PCDH15: variants seen among roughly 807,000 people sequenced by gnomAD.
PCDH15 encodes protocadherin related 15.
A neutral mutation model predicts 178.5 loss-of-function variants in PCDH15; 129 were observed. The ratio of observed to expected loss-of-function variants is 0.72; its 90% CI spans 0.63 to 0.84. The LOEUF (loss-of-function observed/expected upper bound fraction) is 0.84, where lower values mean the gene tolerates loss of function less well. Among genes scored for constraint, PCDH15 ranks in the 40% least tolerant of loss-of-function variants. The pLI is 0.00. For synonymous variants in PCDH15, 800 were observed against 732.0 expected (o/e 1.09, Z -1.50); for missense variants, 2,230 against 2,099.9 (o/e 1.06, Z -1.21).
At chr10:54,170,671 C>T (rs541337983) in intron 13 of PCDH15, among the ~76,000 whole-genome samples, 120 of 152,032 alleles carry the variant, frequency 7.9e-4, no homozygotes, top group African/African-American at 2.3e-3. Flanking sequence ...CTCTGATCCA[C>T]CTGACATTCA....
At chr10:54,705,002 C>A (rs1219292226) in intron 1 of PCDH15, among the ~76,000 whole-genome samples, 2 of 152,014 alleles carry the variant, frequency 1.3e-5, no homozygotes, top group Non-Finnish European at 2.9e-5. Flanking sequence ...GCCATAAAAA[C>A]AGAACAAGAT....
At chr10:54,285,025 T>A (rs575934645) in intron 8 of PCDH15, among the ~76,000 whole-genome samples, 1 of 152,170 alleles carries the variant, frequency 6.6e-6, no homozygotes, top group Non-Finnish European at 1.5e-5. Flanking sequence ...TGAAAGAAAT[T>A]GTTTCCAAGA....
intron 6 of PCDH15, among the ~76,000 whole-genome samples, chr10:54,337,854 G>A (rs970283715): frequency 6.6e-6 from 1 of 152,108 alleles, no homozygotes. Context: ...GAACCTGGGT[G>A]GGAACTATAG....
intron 9 of PCDH15, among the ~76,000 whole-genome samples, chr10:54,227,148 G>T (rs1211258720): frequency 6.6e-6 from 1 of 152,214 alleles, no homozygotes; most frequent in Non-Finnish European, 1.5e-5. Context: ...TAGGGACTCA[G>T]TGTGGGGGCT....
chr10:53,809,423 C>G (rs1244636625), intron 37 of PCDH15: 1 of 1,614,000 alleles, frequency 6.2e-7, no homozygotes, highest in Non-Finnish European at 8.5e-7. Context: ...AATATTCTGG[C>G]TCTCTTCCAT....
Position 55,429,995 on chromosome 10 carries a change from T to C in PCDH15, c.-156+197630A>G, listed in dbSNP as rs149098651. 2.7e-3 allele frequency among the ~76,000 whole-genome samples: 410 copies of C among 152,328 alleles called. 3 individuals are homozygous for C. The highest frequency in any genetic ancestry group is 9.4e-3 in the African/African-American group (392 of 41,582). On this transcript the variant is annotated intron_variant, in intron 2 of 5. Coordinates refer to the PCDH15 transcript ENST00000613346. ...TTTTTATTTAACTATAACATTTAAT[T>C]TCTTGGCATACTTTTAAATGAAATC...
intron 15 of PCDH15, among the ~76,000 whole-genome samples, chr10:54,113,466 G>A (rs1461817430): frequency 1.1e-4 from 17 of 152,076 alleles, no homozygotes; most frequent in Admixed American, 1.0e-3. Context: ...AATGTGCTCT[G>A]GGCAATATCT....
chr10:53,974,108 C>T (rs777822655), intron 21 of PCDH15, among the ~76,000 whole-genome samples: 19 of 152,276 alleles, frequency 1.2e-4, no homozygotes, highest in Non-Finnish European at 1.9e-4. Flanking sequence ...ACCTCCGCCT[C>T]CCAGGCTCAA....
intron 2 of PCDH15, among the ~76,000 whole-genome samples, chr10:54,561,491 T>A (rs2088147171): frequency 6.6e-6 from 1 of 152,148 alleles, no homozygotes; most frequent in African/African-American, 2.4e-5. Context: ...CTTGTCAGAT[T>A]TAATCAAATT....
chr10:54,995,387 G>A (rs558040191), intron 2 of PCDH15, among the ~76,000 whole-genome samples: 1 of 34,688 alleles, frequency 2.9e-5, no homozygotes, highest in Admixed American at 3.8e-4. Flanking sequence ...GCGAGACTCC[G>A]TCTCAAAAAA....
intron 2 of PCDH15, among the ~76,000 whole-genome samples, chr10:54,995,823 C>T (rs1249005588): frequency 6.6e-6 from 1 of 151,840 alleles, no homozygotes; most frequent in Non-Finnish European, 1.5e-5. Flanking sequence ...ACTGTCTTAC[C>T]TACCACCTGT....
At chr10:53,957,503 G>GGTTTTT (rs113683077) in intron 23 of PCDH15, among the ~76,000 whole-genome samples, 2 of 140,598 alleles carry the variant, frequency 1.4e-5, no homozygotes, top group East Asian at 4.2e-4. Context: ...TATTTACTAT[G>GGTTTTT]TTTTTTTTTT....
intron 2 of PCDH15, among the ~76,000 whole-genome samples, chr10:55,448,820 C>T (rs1347489847): frequency 6.6e-6 from 1 of 151,960 alleles, no homozygotes; most frequent in Non-Finnish European, 1.5e-5. Flanking sequence ...AAATTGAAAA[C>T]AATAAATTCA....
chr10:54,881,173 C>G (rs1954256253), intron 3 of PCDH15, among the ~76,000 whole-genome samples: 2 of 151,880 alleles, frequency 1.3e-5, no homozygotes, highest in South Asian at 4.1e-4. Context: ...TGGTTTTTCT[C>G]CAGGGTAAAA....
intron 3 of PCDH15, among the ~76,000 whole-genome samples, chr10:54,397,925 T>C (rs2135429763): frequency 6.6e-6 from 1 of 152,008 alleles, no homozygotes; most frequent in East Asian, 1.9e-4. Context: ...GGTTTCATGG[T>C]GACCTGTTCA....
intron 1 of PCDH15, among the ~76,000 whole-genome samples, chr10:55,312,619 G>C (rs947070995): frequency 4.8e-5 from 7 of 146,446 alleles, no homozygotes; most frequent in African/African-American, 1.9e-4. Flanking sequence ...CTAAGTAATA[G>C]AGTTTTTTTT....
intron 2 of PCDH15, among the ~76,000 whole-genome samples, chr10:54,914,593 T>A (rs955360737): frequency 6.6e-6 from 1 of 152,288 alleles, no homozygotes; most frequent in East Asian, 1.9e-4. Flanking sequence ...ACTTTAATCT[T>A]GCGCCTTAGT....
chr10:53,949,177 C>T (rs1203360514), intron 23 of PCDH15, among the ~76,000 whole-genome samples: 1 of 152,082 alleles, frequency 6.6e-6, no homozygotes, highest in Non-Finnish European at 1.5e-5. Context: ...GCACAGGGAA[C>T]CTATCAAAAC....
intron 4 of PCDH15, among the ~76,000 whole-genome samples, chr10:54,374,270 G>C (rs1017688382): frequency 6.6e-6 from 1 of 152,056 alleles, no homozygotes; most frequent in African/African-American, 2.4e-5. Flanking sequence ...ACACTGGCCT[G>C]GGCAGGGGAG....
Sources: gnomAD v4.1 joint callset for allele counts (sites outside exome capture counted in the v4.1 genomes callset) on GRCh38, gnomAD v4.1.1 for gene constraint, MANE v1.5 for transcripts, NCBI Gene and HGNC (gene_info 2026-07-23, HGNC 2026-07-21) for gene names.